The following NRG3 variants were observed in gnomAD, a reference collection of about 807,000 sequenced individuals.
NRG3 encodes the protein neuregulin 3.
A neutral mutation model predicts 66.9 loss-of-function variants in NRG3; 31 were observed. The observed-to-expected ratio is 0.46, with a 90% CI of 0.35 to 0.63. The LOEUF (loss-of-function observed/expected upper bound fraction) is 0.63. NRG3 is among the 20% of genes least tolerant of loss of function. The pLI is 0.00. For missense variants in NRG3, 910 were observed against 878.9 expected, an observed-to-expected ratio of 1.04 and a Z score of -0.45; for synonymous variants, 393 against 359.4, an observed-to-expected ratio of 1.09 and a Z score of -1.06.
intron 1 of NRG3, among the ~76,000 whole-genome samples, chr10:82,198,785 T>G (rs909107251): frequency 2.0e-5 from 3 of 151,890 alleles, no homozygotes; most frequent in African/African-American, 7.3e-5. Flanking sequence ...GATCATGAGG[T>G]CAGAAGTTCG....
intron 1 of NRG3, among the ~76,000 whole-genome samples, chr10:82,252,889 C>A (rs2077551964): frequency 6.6e-6 from 1 of 152,174 alleles, no homozygotes; most frequent in South Asian, 2.1e-4. Context: ...AGCCACTAAG[C>A]CGTGGATGTT....
chr10:82,549,917 G>T (rs368335345), intron 2 of NRG3, among the ~76,000 whole-genome samples: 2 of 152,114 alleles, frequency 1.3e-5, no homozygotes, highest in African/African-American at 4.8e-5. Context: ...TTTCTGGGTA[G>T]CTCAGTGGGA....
At chr10:82,950,288 A>C (rs1047628019) in intron 4 of NRG3, among the ~76,000 whole-genome samples, 1 of 152,208 alleles carries the variant, frequency 6.6e-6, no homozygotes, top group Non-Finnish European at 1.5e-5. Context: ...TTTCCTCTAA[A>C]TTGGCTGCTT....
At chr10:82,923,169 C>T (rs1923563) in intron 4 of NRG3, among the ~76,000 whole-genome samples, 57,557 of 152,070 alleles carry the variant, frequency 0.38, 11,358 homozygotes, top group East Asian at 0.63. Context: ...TTGTATGACT[C>T]CTATGCTGAA....
intron 1 of NRG3, among the ~76,000 whole-genome samples, chr10:81,892,353 G>A (rs1046548898): frequency 1.1e-4 from 16 of 151,928 alleles, no homozygotes; most frequent in Non-Finnish European, 2.1e-4. Context: ...GAGCCCTGGA[G>A]GAATTGCGGG....
At chr10:82,810,687 C>G (rs1051951425) in intron 3 of NRG3, among the ~76,000 whole-genome samples, 1 of 146,400 alleles carries the variant, frequency 6.8e-6, no homozygotes, top group Admixed American at 6.9e-5. Context: ...CACTTGAACC[C>G]GGGAGACGGA....
chr10:82,531,039 G>T (rs192053751), intron 2 of NRG3, among the ~76,000 whole-genome samples: 1 of 151,692 alleles, frequency 6.6e-6, no homozygotes, highest in Non-Finnish European at 1.5e-5. Flanking sequence ...ACATTTGCAT[G>T]TTTCAATATG....
At chr10:82,184,650 A>AAT (rs1302109832) in intron 1 of NRG3, among the ~76,000 whole-genome samples, 1 of 152,260 alleles carries the variant, frequency 6.6e-6, no homozygotes, top group South Asian at 2.1e-4. Flanking sequence ...GGAGACAATT[A>AAT]ATTCCTCGGG....
intron 1 of NRG3, among the ~76,000 whole-genome samples, chr10:81,905,206 A>G (rs1264448105): frequency 1.3e-5 from 2 of 152,204 alleles, no homozygotes; most frequent in Non-Finnish European, 2.9e-5. Context: ...ATACACTTAC[A>G]AACCACTCTT....
At chr10:82,928,977 A>G (rs1847291790) in intron 4 of NRG3, among the ~76,000 whole-genome samples, 1 of 152,138 alleles carries the variant, frequency 6.6e-6, no homozygotes. Context: ...CAAGACACTC[A>G]TGGTCTGTTA....
intron 2 of NRG3, among the ~76,000 whole-genome samples, chr10:82,719,677 G>A (rs537358127): frequency 6.6e-6 from 1 of 152,278 alleles, no homozygotes; most frequent in South Asian, 2.1e-4. Context: ...TAGTCTCTGT[G>A]ACTCAGACGT....
intron 1 of NRG3, among the ~76,000 whole-genome samples, chr10:82,031,311 G>T (rs952420593): frequency 6.6e-6 from 1 of 152,042 alleles, no homozygotes; most frequent in African/African-American, 2.4e-5. Context: ...CTGAATGAGT[G>T]TTGTAAAGTG....
intron 3 of NRG3, among the ~76,000 whole-genome samples, chr10:82,777,160 C>T (rs2059941420): frequency 6.6e-6 from 1 of 152,074 alleles, no homozygotes; most frequent in African/African-American, 2.4e-5. Context: ...GTGGTGTAGC[C>T]TTTGTGTATC....
At chr10:82,045,904 T>G (rs2063268331) in intron 1 of NRG3, among the ~76,000 whole-genome samples, 1 of 151,168 alleles carries the variant, frequency 6.6e-6, no homozygotes, top group Admixed American at 6.6e-5. Context: ...TTCTAAGGGC[T>G]CTGTTCTGTT....
intron 1 of NRG3, among the ~76,000 whole-genome samples, chr10:82,300,917 C>T (rs2080365783): frequency 6.6e-6 from 1 of 151,952 alleles, no homozygotes; most frequent in Non-Finnish European, 1.5e-5. Context: ...GATTGCTTGA[C>T]CCCAGGAGCT....
chr10:82,964,152 C>A (rs142281605), intron 6 of NRG3, among the ~76,000 whole-genome samples: 11 of 152,148 alleles, frequency 7.2e-5, no homozygotes, highest in Non-Finnish European at 1.3e-4. Flanking sequence ...CCAGACAATA[C>A]CTATTAAGGA....
chr10:81,939,532 C>A (rs1848215499), intron 1 of NRG3, among the ~76,000 whole-genome samples: 1 of 151,740 alleles, frequency 6.6e-6, no homozygotes, highest in Non-Finnish European at 1.5e-5. Context: ...TCACTTTCTT[C>A]TAGGTTTCCC....
chr10:82,971,567 G>A (rs971054225), intron 6 of NRG3, among the ~76,000 whole-genome samples: 3 of 151,726 alleles, frequency 2.0e-5, no homozygotes, highest in African/African-American at 7.3e-5. Flanking sequence ...CTCCTGAGTA[G>A]CTGGGATTAC....
At chr10:82,477,034 GA>G (rs1235199639) in intron 2 of NRG3, among the ~76,000 whole-genome samples, 1 of 152,176 alleles carries the variant, frequency 6.6e-6, no homozygotes, top group Non-Finnish European at 1.5e-5. Context: ...GGGCCAGGGT[GA>G]ACAGCAGAAT....
Sources: gnomAD v4.1 joint callset for allele counts (sites outside exome capture counted in the v4.1 genomes callset) on GRCh38, gnomAD v4.1.1 for gene constraint, MANE v1.5 for transcripts, NCBI Gene and HGNC (gene_info 2026-07-23, HGNC 2026-07-21) for gene names.